Variants in DENND6A observed in about 807,000 individuals in gnomAD.
DENND6A encodes protein DENND6A.
A neutral mutation model predicts 95.5 loss-of-function variants in DENND6A; 43 were observed. The observed-to-expected ratio is 0.45, with a 90% CI of 0.35 to 0.58. DENND6A has a LOEUF of 0.58. Ranked by LOEUF, DENND6A falls within the 20% of genes least tolerant of loss-of-function variation. DENND6A has a pLI of 0.00. For missense variants in DENND6A, 574 were observed against 736.0 expected, an observed-to-expected ratio of 0.78 and a Z score of 2.55; for synonymous variants, 257 against 260.4, an observed-to-expected ratio of 0.99 and a Z score of 0.13.
At chr3:57,644,073 C>T (rs1039304843) in intron 11 of DENND6A, among the ~76,000 whole-genome samples, 1 of 151,280 alleles carries the variant, frequency 6.6e-6, no homozygotes, top group Non-Finnish European at 1.5e-5. Context: ...TCTCGTGAAC[C>T]CGGGAGGCGG....
chr3:57,654,215 A>G (rs947522889), intron 9 of DENND6A, among the ~76,000 whole-genome samples: 2 of 151,950 alleles, frequency 1.3e-5, no homozygotes, highest in Non-Finnish European at 2.9e-5. Context: ...TTGGCCTCCC[A>G]AAGTGCCGGG....
chr3:57,635,200 G>GGTTTT (rs140021615), intron 12 of DENND6A, among the ~76,000 whole-genome samples: 27,378 of 151,410 alleles, frequency 0.18, 2,775 homozygotes, highest in African/African-American at 0.28. Flanking sequence ...GGGTTTGTGG[G>GGTTTT]GTTTTGTTTT....
intron 1 of DENND6A, among the ~76,000 whole-genome samples, chr3:57,680,430 T>C (rs2077153879): frequency 6.6e-6 from 1 of 152,172 alleles, no homozygotes; most frequent in Non-Finnish European, 1.5e-5. Context: ...AATGCTCTTA[T>C]CAAAGAGACC....
chr3:57,689,402 A>G (rs2077240621), intron 1 of DENND6A, among the ~76,000 whole-genome samples: 1 of 152,186 alleles, frequency 6.6e-6, no homozygotes, highest in Non-Finnish European at 1.5e-5. Flanking sequence ...CAAAGCTAAA[A>G]GTGAGGTACA....
At chr3:57,641,592 A>T in intron 12 of DENND6A, 61 bp downstream of exon 12, 2 of 1,384,966 alleles carry the variant, frequency 1.4e-6, no homozygotes, top group Non-Finnish European at 1.9e-6. Flanking sequence ...AAGGATGAAA[A>T]GAAAGAAACC....
intron 1 of DENND6A, among the ~76,000 whole-genome samples, chr3:57,689,382 T>C (rs912009726): frequency 6.6e-6 from 1 of 151,842 alleles, no homozygotes; most frequent in Non-Finnish European, 1.5e-5. Flanking sequence ...TACTAAATAA[T>C]TGGTAATTTC....
At chr3:57,656,407 TTTTG>T (rs1436222110) in intron 9 of DENND6A, among the ~76,000 whole-genome samples, 1 of 152,210 alleles carries the variant, frequency 6.6e-6, no homozygotes, top group Admixed American at 6.5e-5. Context: ...ATGTATTACA[TTTTG>T]TTTGTCCATT....
At chr3:57,668,971 C>G (rs1458803484) in intron 3 of DENND6A, among the ~76,000 whole-genome samples, 1 of 152,156 alleles carries the variant, frequency 6.6e-6, no homozygotes, top group Non-Finnish European at 1.5e-5. Flanking sequence ...ATCCCTGATT[C>G]AAGAGATTCT....
At chr3:57,683,458 C>T (rs144230589) in intron 1 of DENND6A, among the ~76,000 whole-genome samples, 4 of 152,300 alleles carry the variant, frequency 2.6e-5, no homozygotes, top group Admixed American at 2.0e-4. Context: ...GGAAATCCAA[C>T]TTTATGTCAT....
chr3:57,628,206 G>A lies in DENND6A; in HGVS notation c.*8C>T, dbSNP rs367748277. 3.7e-6 allele frequency: 6 copies of A among 1,609,212 alleles called. No individual in the cohort carries two copies. Among genetic ancestry groups the A allele is most frequent in the Middle Eastern group, 1.6e-4 (1 of 6,064 alleles). On this transcript the variant is annotated 3_prime_UTR_variant, in exon 20 of 20. Transcript: ENST00000311128. Reference sequence around the variant, plus strand: ...TAATCCTTTTTGGCTGGAAAATCTTGGCAAATATCATGTCATGCCCGTTTT... The same window carrying A: ...TAATCCTTTTTGGCTGGAAAATCTTAGCAAATATCATGTCATGCCCGTTTT...
intron 1 of DENND6A, among the ~76,000 whole-genome samples, chr3:57,690,860 T>C (rs951927293): frequency 3.3e-5 from 5 of 152,134 alleles, no homozygotes; most frequent in African/African-American, 1.2e-4. Context: ...AAACCACATA[T>C]ATGGAACCAC....
intron 18 of DENND6A, 156 bp downstream of exon 18, chr3:57,630,265 C>T (rs2070636713): frequency 1.7e-6 from 1 of 589,794 alleles, no homozygotes; most frequent in South Asian, 2.8e-5. Context: ...TATAAAGCCC[C>T]TATAATGTCC....
intron 4 of DENND6A, 49 bp from the exon 5 acceptor site, chr3:57,663,765 G>T: frequency 8.6e-7 from 1 of 1,158,660 alleles, no homozygotes; most frequent in Non-Finnish European, 1.2e-6. Context: ...ACATATATAT[G>T]TATCTATATC....
intron 11 of DENND6A, among the ~76,000 whole-genome samples, chr3:57,644,714 A>G (rs1240276278): frequency 0.017 from 258 of 14,764 alleles, no homozygotes; most frequent in Middle Eastern, 0.045. Context: ...GGGAGGGGAG[A>G]GGAGGGGAGA....
chr3:57,648,239 A>C lies in DENND6A; in HGVS notation c.819-1801T>G, dbSNP rs754949399. On this transcript the variant is annotated intron_variant, in intron 9 of 19. Transcript: ENST00000311128. ...CAGCAACCAAGCTGAGAATCAAATC[A>C]ACCCCTTTTACAATAGCTGCAATAC... Among the ~76,000 whole-genome samples the C allele has an allele frequency of 3.3e-4, 50 of 152,278 alleles. 1 individual carries two copies. The highest frequency in any genetic ancestry group is 3.1e-4 in the Non-Finnish European group (21 of 68,012).
chr3:57,652,077 T>C (rs1012627037), intron 9 of DENND6A, among the ~76,000 whole-genome samples: 1 of 152,082 alleles, frequency 6.6e-6, no homozygotes, highest in Non-Finnish European at 1.5e-5. Flanking sequence ...ATAAATAACA[T>C]CTGTCCACAA....
intron 17 of DENND6A, 41 bp from the exon 18 acceptor site, chr3:57,630,564 C>T (rs752576014): frequency 2.6e-5 from 40 of 1,555,224 alleles, no homozygotes; most frequent in Non-Finnish European, 3.0e-5. Context: ...TTGATTATAA[C>T]TTATTTCCTT....
chr3:57,676,882 G>A (rs1381453898), intron 1 of DENND6A, among the ~76,000 whole-genome samples: 2 of 151,928 alleles, frequency 1.3e-5, no homozygotes, highest in African/African-American at 4.8e-5. Context: ...GGAGTGCAAT[G>A]GTGTGATCTC....
intron 1 of DENND6A, among the ~76,000 whole-genome samples, chr3:57,688,779 G>A (rs1198602860): frequency 1.3e-5 from 2 of 152,088 alleles, no homozygotes; most frequent in South Asian, 2.1e-4. Context: ...CCAAAAGACT[G>A]CCTGGAATCC....
Sources: gnomAD v4.1 joint callset for allele counts (sites outside exome capture counted in the v4.1 genomes callset) on GRCh38, gnomAD v4.1.1 for gene constraint, MANE v1.5 for transcripts, NCBI Gene and HGNC (gene_info 2026-07-23, HGNC 2026-07-21) for gene names.